HS3ST4: variants seen among roughly 807,000 people sequenced by gnomAD.
The protein encoded by HS3ST4 is heparan sulfate glucosamine 3-O-sulfotransferase 4.
HS3ST4 carries 17 observed loss-of-function variants against 29.2 expected under a neutral mutation model. That is an observed-to-expected ratio of 0.58 (90% CI 0.40 to 0.87). HS3ST4 has a LOEUF of 0.87. Ranked by LOEUF, HS3ST4 falls within the 40% of genes least tolerant of loss-of-function variation. The pLI, the probability that HS3ST4 is intolerant of heterozygous loss-of-function variation, is 0.00. For synonymous variants in HS3ST4, 314 were observed against 285.7 expected (o/e 1.10, Z -1.00); for missense variants, 627 against 634.5 (o/e 0.99, Z 0.13).
At chr16:25,983,321 G>C (rs564648907) in intron 1 of HS3ST4, among the ~76,000 whole-genome samples, 2 of 152,248 alleles carry the variant, frequency 1.3e-5, no homozygotes, top group Non-Finnish European at 2.9e-5. Flanking sequence ...ATGACCTTAG[G>C]CTTAATCTCA....
chr16:26,107,283 G>T (rs1371438754), intron 1 of HS3ST4, among the ~76,000 whole-genome samples: 1 of 151,400 alleles, frequency 6.6e-6, no homozygotes, highest in African/African-American at 2.4e-5. Flanking sequence ...GTAGTTTTAT[G>T]TATGTTTATA....
At position 26,055,079 on chromosome 16, in the gene HS3ST4, T is replaced by A. The variant is rs145586427; in HGVS notation, c.735-80533T>A. On this transcript the variant is annotated intron_variant, in intron 1 of 1. Coordinates refer to ENST00000331351, the MANE Select transcript of HS3ST4 (RefSeq NM_006040.3). The stretch of plus-strand genomic sequence containing the variant: ...ACCCAGCACCGCCAGATCACCATTA[T>A]CTTTTCTTAAATTTGATGAGTTGTT... Among the ~76,000 whole-genome samples, 433 of 152,134 alleles carry A rather than the reference T, an allele frequency of 2.8e-3. 3 individuals are homozygous for A. The highest frequency in any genetic ancestry group is 4.4e-3 in the Non-Finnish European group (301 of 67,994).
chr16:25,807,193 C>T (rs556236294), intron 1 of HS3ST4, among the ~76,000 whole-genome samples: 3 of 152,114 alleles, frequency 2.0e-5, no homozygotes, highest in African/African-American at 4.8e-5. Flanking sequence ...GGGCTGGTCT[C>T]GAACTCCTGA....
chr16:26,077,321 C>G (rs891570501), intron 1 of HS3ST4, among the ~76,000 whole-genome samples: 1 of 152,152 alleles, frequency 6.6e-6, no homozygotes, highest in Non-Finnish European at 1.5e-5. Context: ...AGTAGCAAAC[C>G]CAGATTCAAG....
chr16:26,112,250 A>ATG (rs35207548), intron 1 of HS3ST4, among the ~76,000 whole-genome samples: 488 of 148,436 alleles, frequency 3.3e-3, no homozygotes, highest in East Asian at 8.6e-3. Context: ...GTGTGTGTGT[A>ATG]TGTGTGTGTG....
chr16:25,966,345 A>G (rs1417977577), intron 1 of HS3ST4, among the ~76,000 whole-genome samples: 2 of 152,164 alleles, frequency 1.3e-5, no homozygotes, highest in Non-Finnish European at 2.9e-5. Context: ...GGGGACCAGT[A>G]TATACCCCAG....
intron 1 of HS3ST4, among the ~76,000 whole-genome samples, chr16:25,792,034 T>C (rs1966870322): frequency 6.6e-6 from 1 of 152,130 alleles, no homozygotes; most frequent in Non-Finnish European, 1.5e-5. Context: ...GAACATTTCA[T>C]TTCATAAACA....
chr16:25,930,996 A>G (rs1968457289), intron 1 of HS3ST4, among the ~76,000 whole-genome samples: 1 of 151,878 alleles, frequency 6.6e-6, no homozygotes, highest in East Asian at 1.9e-4. Context: ...CTGGTCTTGA[A>G]CTCCTAAGCT....
chr16:25,959,647 G>A (rs751944166), intron 1 of HS3ST4, among the ~76,000 whole-genome samples: 6 of 152,126 alleles, frequency 3.9e-5, no homozygotes, highest in African/African-American at 9.7e-5. Context: ...CACAGAAAGC[G>A]TACATCTCTA....
intron 1 of HS3ST4, among the ~76,000 whole-genome samples, chr16:25,870,597 G>A (rs1339567044): frequency 6.6e-6 from 1 of 151,706 alleles, no homozygotes; most frequent in Non-Finnish European, 1.5e-5. Context: ...AGGGTGTCAG[G>A]TGGGAGCATG....
At chr16:25,857,971 TC>T (rs1967598332) in intron 1 of HS3ST4, among the ~76,000 whole-genome samples, 2 of 51,264 alleles carry the variant, frequency 3.9e-5, no homozygotes, top group African/African-American at 2.4e-4. Flanking sequence ...TTTCTTTCTT[TC>T]TCTTTTCTGT....
At chr16:25,907,056 G>T (rs1968186491) in intron 1 of HS3ST4, among the ~76,000 whole-genome samples, 1 of 152,084 alleles carries the variant, frequency 6.6e-6, no homozygotes, top group Admixed American at 6.5e-5. Context: ...AATTAGACAG[G>T]CATGGTGGCA....
chr16:25,958,721 G>T (rs1968761705), intron 1 of HS3ST4, among the ~76,000 whole-genome samples: 1 of 152,182 alleles, frequency 6.6e-6, no homozygotes, highest in African/African-American at 2.4e-5. Context: ...TTCACAGGCT[G>T]ACAAACCAGT....
chr16:25,756,916 T>C (rs1346784141), intron 1 of HS3ST4, among the ~76,000 whole-genome samples: 2 of 152,244 alleles, frequency 1.3e-5, no homozygotes, highest in African/African-American at 4.8e-5. Context: ...TGAAATTTGT[T>C]ACAGTAGCTC....
At chr16:25,773,338 G>A (rs868400829) in intron 1 of HS3ST4, among the ~76,000 whole-genome samples, 5 of 152,164 alleles carry the variant, frequency 3.3e-5, no homozygotes, top group South Asian at 4.1e-4. Context: ...GGGGTCTACC[G>A]TGGCTTGGAA....
At chr16:25,903,349 T>C (rs1222144551) in intron 1 of HS3ST4, among the ~76,000 whole-genome samples, 1 of 136,804 alleles carries the variant, frequency 7.3e-6, no homozygotes, top group Admixed American at 7.9e-5. Flanking sequence ...ATATTATATA[T>C]ATGTATATGT....
chr16:25,924,761 T>A (rs1205011365), intron 1 of HS3ST4, among the ~76,000 whole-genome samples: 1 of 152,172 alleles, frequency 6.6e-6, no homozygotes, highest in Non-Finnish European at 1.5e-5. Flanking sequence ...TGCACTTGCT[T>A]CTGGAAACAA....
chr16:25,986,556 C>A (rs1969065177), intron 1 of HS3ST4, among the ~76,000 whole-genome samples: 1 of 152,258 alleles, frequency 6.6e-6, no homozygotes, highest in Admixed American at 6.5e-5. Flanking sequence ...AATTCAGTAG[C>A]AGCCCTCGTT....
chr16:26,000,687 C>A (rs1310921938), intron 1 of HS3ST4, among the ~76,000 whole-genome samples: 1 of 152,112 alleles, frequency 6.6e-6, no homozygotes, highest in African/African-American at 2.4e-5. Context: ...GGAGGTCAGA[C>A]AGTCAAGGTT....
Sources: gnomAD v4.1 joint callset for allele counts (sites outside exome capture counted in the v4.1 genomes callset) on GRCh38, gnomAD v4.1.1 for gene constraint, MANE v1.5 for transcripts, NCBI Gene and HGNC (gene_info 2026-07-23, HGNC 2026-07-21) for gene names.